PDE4B: variants seen among roughly 807,000 people sequenced by gnomAD.
PDE4B encodes 3',5'-cyclic-AMP phosphodiesterase 4B.
A neutral mutation model predicts 82.2 loss-of-function variants in PDE4B; 20 were observed. The observed-to-expected ratio is 0.24, with a 90% confidence interval of 0.17 to 0.35. The LOEUF (loss-of-function observed/expected upper bound fraction) is 0.35. Ranked by LOEUF, PDE4B falls within the 10% of genes least tolerant of loss-of-function variation. PDE4B has a pLI of 1.00. For missense variants in PDE4B, 655 were observed against 907.2 expected, an observed-to-expected ratio of 0.72 and a Z score of 3.57; for synonymous variants, 320 against 318.9, an observed-to-expected ratio of 1.00 and a Z score of -0.04.
rs2227297 is a variant in PDE4B, at chr1:66,372,574, A to T, written c.2107A>T (p.Ser703Cys). The part of the protein sequence containing the change: ...EKEGEGHSYF[S>C]STKTLCVIDP... ...GGAGGGAGAGGGACACAGCTATTTC[A>T]GCAGCACAAAGACGCTTTGTGTGAT... Residue 703 changes from serine (S) to cysteine (C), a missense_variant, in exon 17 of 17, where the codon AGC (serine) becomes TGC (cysteine). Physicochemically the swap from Ser to Cys is moderately radical, Grantham distance 112. This residue lies in a region of PDE4B where 119 missense variants were observed against 115.2 expected (regional missense o/e 1.03). Transcript: ENST00000341517. The T allele has an allele frequency of 7.5e-4, 1,209 of 1,614,186 alleles. 11 individuals are homozygous for T. The African/African-American group carries it at 0.015, about 20-fold the overall frequency.
chr1:66,122,196 T>C (rs1440948818), intron 3 of PDE4B, among the ~76,000 whole-genome samples: 1 of 152,218 alleles, frequency 6.6e-6, no homozygotes, highest in East Asian at 1.9e-4. Context: ...AATGGGATCA[T>C]GATAATAACT....
chr1:66,219,118 A>G (rs1650752714), intron 3 of PDE4B, among the ~76,000 whole-genome samples: 1 of 152,180 alleles, frequency 6.6e-6, no homozygotes, highest in African/African-American at 2.4e-5. Flanking sequence ...GAGCTTAGCC[A>G]TGTATGGCTT....
chr1:66,343,862 T>C (rs558685660), intron 8 of PDE4B, among the ~76,000 whole-genome samples: 1 of 152,066 alleles, frequency 6.6e-6, no homozygotes, highest in Admixed American at 6.5e-5. Context: ...AGATAGAATT[T>C]TTTTTTTTGT....
chr1:66,059,658 A>G (rs1655482244), intron 3 of PDE4B, among the ~76,000 whole-genome samples: 1 of 152,200 alleles, frequency 6.6e-6, no homozygotes, highest in South Asian at 2.1e-4. Flanking sequence ...ATTCACTATC[A>G]TGAGAATAAC....
At chr1:65,967,933 G>C (rs1649927478) in intron 3 of PDE4B, among the ~76,000 whole-genome samples, 2 of 151,840 alleles carry the variant, frequency 1.3e-5, no homozygotes, top group South Asian at 4.2e-4. Context: ...TGGGTTGATG[G>C]GTGCAACAAA....
At position 66,266,614 on chromosome 1, in the gene PDE4B, C is replaced by T. The variant is rs775782612; in HGVS notation, c.634+527C>T. On this transcript the variant is annotated intron_variant, in intron 7 of 16. Transcript: ENST00000341517. ...GAGGGCATCCAACTTTGTTCCTCAA[C>T]GGTGTTTTGTTTTGTTTTGTTTTTT... is the stretch of plus-strand genomic sequence containing the variant. The T allele has an allele frequency of 1.8e-4, 82 of 443,654 alleles. No homozygotes were observed. In the East Asian group the frequency reaches 2.0e-3, roughly 11 times the overall value. 27.5% of individuals were successfully genotyped at this position (443,654 alleles called of 1,614,324 possible). A position where few individuals can be genotyped will look rare whatever the true frequency, so the allele number is the denominator to read the frequency against.
intron 2 of PDE4B, among the ~76,000 whole-genome samples, chr1:65,917,233 T>C (rs1400749310): frequency 1.3e-5 from 2 of 152,214 alleles, no homozygotes; most frequent in Non-Finnish European, 2.9e-5. Flanking sequence ...AAACTTGAGT[T>C]AATTATCCTT....
chr1:66,079,987 T>G (rs536954913), intron 3 of PDE4B, among the ~76,000 whole-genome samples: 23 of 152,268 alleles, frequency 1.5e-4, no homozygotes, highest in African/African-American at 4.6e-4. Context: ...TAATTTCAAA[T>G]TTGAGCAATT....
chr1:66,358,506 C>T (rs1166929305), intron 9 of PDE4B, among the ~76,000 whole-genome samples: 1 of 152,034 alleles, frequency 6.6e-6, no homozygotes, highest in African/African-American at 2.4e-5. Context: ...GAAACCCTGT[C>T]TCTACTAAAA....
intron 7 of PDE4B, among the ~76,000 whole-genome samples, chr1:66,274,841 G>A (rs919927062): frequency 1.3e-5 from 2 of 152,212 alleles, no homozygotes; most frequent in South Asian, 4.1e-4. Context: ...TCTGGTATCA[G>A]TAGAGAACCA....
rs971426831 is a variant in PDE4B at position 66,222,815 on chromosome 1, C to A, written c.282-24645C>A. On this transcript the variant is annotated intron_variant, in intron 3 of 16. Transcript: ENST00000341517. ...CAAGAAATGTGAGTTGTTCCTCTAG[C>A]CCTCTCTCCATCACAAAGATTTGCA... is the stretch of plus-strand genomic sequence containing the variant. Among the ~76,000 whole-genome samples, 2 of 152,104 alleles carry A rather than the reference C, an allele frequency of 1.3e-5. 1 individual carries two copies. Among genetic ancestry groups the A allele is most frequent in the East Asian group, 3.8e-4 (2 of 5,196 alleles).
intron 7 of PDE4B, among the ~76,000 whole-genome samples, chr1:66,311,134 A>G (rs1658641186): frequency 6.6e-6 from 1 of 152,178 alleles, no homozygotes; most frequent in South Asian, 2.1e-4. Context: ...GGAAGAAGGG[A>G]GGACCAGTTA....
chr1:65,881,029 G>A (rs1309705196), intron 1 of PDE4B, among the ~76,000 whole-genome samples: 1 of 152,088 alleles, frequency 6.6e-6, no homozygotes, highest in Non-Finnish European at 1.5e-5. Flanking sequence ...TGCCCTGCAG[G>A]CCTAGGGATG....
At chr1:65,872,389 G>A (rs1468481890) in intron 1 of PDE4B, among the ~76,000 whole-genome samples, 1 of 152,124 alleles carries the variant, frequency 6.6e-6, no homozygotes, top group Non-Finnish European at 1.5e-5. Flanking sequence ...AAAATTATGA[G>A]TAGATACTTC....
intron 7 of PDE4B, among the ~76,000 whole-genome samples, chr1:66,322,187 A>G (rs1318726625): frequency 1.3e-5 from 2 of 152,222 alleles, no homozygotes; most frequent in Non-Finnish European, 2.9e-5. Context: ...TGGATTAAAG[A>G]CTTAAATGTA....
intron 3 of PDE4B, among the ~76,000 whole-genome samples, chr1:65,930,408 A>G (rs1237792650): frequency 6.6e-6 from 1 of 152,212 alleles, no homozygotes; most frequent in African/African-American, 2.4e-5. Context: ...CCAGAATGAT[A>G]GATCCACTGG....
chr1:65,895,939 A>AATAAT (rs1385833742), intron 1 of PDE4B, among the ~76,000 whole-genome samples: 1 of 102,546 alleles, frequency 9.8e-6, no homozygotes, highest in African/African-American at 3.3e-5. Flanking sequence ...AGAAAATAAT[A>AATAAT]ATAATAATAA....
chr1:66,023,141 C>A (rs542488774), intron 3 of PDE4B, among the ~76,000 whole-genome samples: 2 of 152,172 alleles, frequency 1.3e-5, no homozygotes, highest in Non-Finnish European at 2.9e-5. Context: ...GCTACTGAGG[C>A]TTTTTGTTGT....
At chr1:65,824,092 T>C (rs1645987233) in intron 1 of PDE4B, among the ~76,000 whole-genome samples, 1 of 152,216 alleles carries the variant, frequency 6.6e-6, no homozygotes, top group Non-Finnish European at 1.5e-5. Flanking sequence ...GGATAGCAAT[T>C]GTTTTGTGAA....
Sources: allele counts gnomAD v4.1 joint callset (sites outside exome capture counted in the v4.1 genomes callset), GRCh38; gene constraint gnomAD v4.1.1; regional missense constraint gnomAD v4.1.1; transcripts MANE v1.5; gene names NCBI Gene and HGNC (gene_info 2026-07-23, HGNC 2026-07-21).